Variants in SMYD3 observed in about 807,000 individuals in gnomAD.
SMYD3 encodes histone-lysine N-methyltransferase SMYD3.
A neutral mutation model predicts 57.7 loss-of-function variants in SMYD3; 36 were observed. The observed-to-expected ratio is 0.62, with a 90% CI of 0.48 to 0.82. SMYD3 has a LOEUF of 0.82. Among genes scored for constraint, SMYD3 ranks in the 40% least tolerant of loss-of-function variants. The probability of loss-of-function intolerance (pLI) is 0.00; values close to 1 mark genes in which losing one functional copy is unlikely to be tolerated. For synonymous variants in SMYD3, 211 were observed against 195.0 expected, an observed-to-expected ratio of 1.08 and a Z score of -0.68; for missense variants, 515 against 538.8, an observed-to-expected ratio of 0.96 and a Z score of 0.44.
At chr1:246,420,017 G>A (rs771768372) in intron 1 of SMYD3, among the ~76,000 whole-genome samples, 6 of 152,110 alleles carry the variant, frequency 3.9e-5, no homozygotes, top group African/African-American at 7.2e-5. Flanking sequence ...TGGCTAACAC[G>A]GTGAAACCCC....
chr1:246,489,789 C>T (rs1051885523), intron 1 of SMYD3, among the ~76,000 whole-genome samples: 1 of 152,090 alleles, frequency 6.6e-6, no homozygotes, highest in Non-Finnish European at 1.5e-5. Context: ...GCTGAAAGTA[C>T]ACTGTATGAA....
intron 5 of SMYD3, among the ~76,000 whole-genome samples, chr1:246,072,728 G>A (rs943245932): frequency 1.3e-5 from 2 of 151,588 alleles, no homozygotes; most frequent in Admixed American, 1.3e-4. Context: ...ATGTTGGCGG[G>A]CACCATCCAA....
intron 10 of SMYD3, among the ~76,000 whole-genome samples, chr1:245,806,115 A>G (rs1351204766): frequency 6.6e-6 from 1 of 152,182 alleles, no homozygotes; most frequent in Non-Finnish European, 1.5e-5. Context: ...GGGTCTTTCC[A>G]GTTGTTCAAC....
At chr1:246,486,306 A>C (rs561164953) in intron 1 of SMYD3, among the ~76,000 whole-genome samples, 1 of 152,206 alleles carries the variant, frequency 6.6e-6, no homozygotes, top group Non-Finnish European at 1.5e-5. Flanking sequence ...CAGATATGAC[A>C]TAAGTATTAA....
chr1:245,947,761 A>G (rs2057473167), intron 5 of SMYD3, among the ~76,000 whole-genome samples: 1 of 152,064 alleles, frequency 6.6e-6, no homozygotes, highest in Non-Finnish European at 1.5e-5. Flanking sequence ...AACAGTCCAC[A>G]CCATTATGTT....
chr1:245,945,419 C>T (rs1572758193), intron 5 of SMYD3, among the ~76,000 whole-genome samples: 1 of 152,124 alleles, frequency 6.6e-6, no homozygotes, highest in Non-Finnish European at 1.5e-5. Flanking sequence ...ATCAAAGCCA[C>T]AATGAGAATC....
chr1:245,865,636 G>A (rs1482058011), intron 8 of SMYD3, among the ~76,000 whole-genome samples: 1 of 152,230 alleles, frequency 6.6e-6, no homozygotes, highest in Admixed American at 6.5e-5. Context: ...TGCTCAGCAA[G>A]TCCTGCTTAT....
chr1:245,765,388 CA>C (rs534339227), intron 10 of SMYD3, among the ~76,000 whole-genome samples: 216 of 135,142 alleles, frequency 1.6e-3, no homozygotes, highest in Middle Eastern at 3.6e-3. Context: ...GACCCTGTTT[CA>C]AAAAAAAAAA....
chr1:245,894,527 G>A (rs554165117), intron 8 of SMYD3, among the ~76,000 whole-genome samples: 196 of 152,182 alleles, frequency 1.3e-3, no homozygotes, highest in African/African-American at 3.8e-3. Flanking sequence ...AACACTCACC[G>A]CAAAGGTCCG....
At chr1:246,218,645 C>A (rs1393270480) in intron 5 of SMYD3, among the ~76,000 whole-genome samples, 5 of 151,030 alleles carry the variant, frequency 3.3e-5, no homozygotes, top group Non-Finnish European at 1.5e-5. Flanking sequence ...GTAGTGGCAA[C>A]ACTGTATTTC....
chr1:246,145,464 T>C (rs560370291), intron 5 of SMYD3, among the ~76,000 whole-genome samples: 3 of 152,356 alleles, frequency 2.0e-5, no homozygotes, highest in African/African-American at 7.2e-5. Context: ...AATATAGGCA[T>C]CTGAGCTTCA....
chr1:246,008,253 C>T (rs2059211359), intron 5 of SMYD3, among the ~76,000 whole-genome samples: 1 of 152,186 alleles, frequency 6.6e-6, no homozygotes, highest in African/African-American at 2.4e-5. Context: ...TCTGAAAGGC[C>T]TCGGAGAAAC....
intron 5 of SMYD3, among the ~76,000 whole-genome samples, chr1:246,127,922 A>G (rs1219725559): frequency 6.6e-6 from 1 of 151,866 alleles, no homozygotes; most frequent in African/African-American, 2.4e-5. Context: ...AAAAGAAAAG[A>G]AAAATACGAA....
At chr1:246,001,615 T>C (rs2059046510) in intron 5 of SMYD3, among the ~76,000 whole-genome samples, 1 of 152,048 alleles carries the variant, frequency 6.6e-6, no homozygotes, top group Admixed American at 6.6e-5. Flanking sequence ...ACGGAAACAA[T>C]AATAATCCTA....
At chr1:246,414,206 G>A (rs933153414) in intron 1 of SMYD3, among the ~76,000 whole-genome samples, 1 of 152,150 alleles carries the variant, frequency 6.6e-6, no homozygotes, top group Non-Finnish European at 1.5e-5. Context: ...TTTAGAGAGA[G>A]ACCACCAGGG....
At chr1:245,885,040 G>A (rs756026933) in intron 8 of SMYD3, among the ~76,000 whole-genome samples, 10 of 151,892 alleles carry the variant, frequency 6.6e-5, no homozygotes, top group South Asian at 2.1e-4. Flanking sequence ...GAAGGTCTGC[G>A]GCTTCACTCC....
rs374426125 is a variant in SMYD3 at position 245,942,630 on chromosome 1, C to T, written c.532-12693G>A. On this transcript the variant is annotated intron_variant, in intron 5 of 11. Coordinates refer to ENST00000490107, the MANE Select transcript of SMYD3 (RefSeq NM_001167740.2). ...CTCAGCTCTGGATAAGTGGATCTGA[C>T]ATACCTATAAAAATCTCTAACCCCC... 2.6e-5 allele frequency among the ~76,000 whole-genome samples: 4 copies of T among 152,188 alleles called. No individual in the cohort carries two copies. The East Asian group carries it at 7.7e-4, about 29-fold the overall frequency.
chr1:245,826,942 G>A (rs1238363567), intron 10 of SMYD3, among the ~76,000 whole-genome samples: 2 of 152,138 alleles, frequency 1.3e-5, no homozygotes, highest in Non-Finnish European at 2.9e-5. Context: ...GACACATGGG[G>A]ATTATGGGGA....
chr1:245,916,655 T>C (rs1021889099), intron 7 of SMYD3, among the ~76,000 whole-genome samples: 1 of 152,114 alleles, frequency 6.6e-6, no homozygotes, highest in Non-Finnish European at 1.5e-5. Context: ...TTTTACCTTT[T>C]CCAGTGCCAC....
Sources: gnomAD v4.1 joint callset for allele counts (sites outside exome capture counted in the v4.1 genomes callset) on GRCh38, gnomAD v4.1.1 for gene constraint, MANE v1.5 for transcripts, NCBI Gene and HGNC (gene_info 2026-07-23, HGNC 2026-07-21) for gene names.